The following FRMD5 variants were observed in gnomAD, a reference collection of about 807,000 sequenced individuals.
FRMD5 encodes FERM domain containing 5.
FRMD5 carries 20 observed loss-of-function variants against 69.0 expected under a neutral mutation model. The ratio of observed to expected loss-of-function variants is 0.29; its 90% confidence interval spans 0.20 to 0.42. FRMD5 has a LOEUF of 0.42. FRMD5 is among the 10% of genes least tolerant of loss of function. FRMD5 has a pLI of 1.00. For synonymous variants in FRMD5, 271 were observed against 260.1 expected, an observed-to-expected ratio of 1.04 and a Z score of -0.40; for missense variants, 595 against 708.6, an observed-to-expected ratio of 0.84 and a Z score of 1.82.
At chr15:44,116,645 T>G (rs1258230929) in intron 1 of FRMD5, among the ~76,000 whole-genome samples, 1 of 151,996 alleles carries the variant, frequency 6.6e-6, no homozygotes, top group Non-Finnish European at 1.5e-5. Flanking sequence ...GGGAGAAGGG[T>G]CAGCACTATC....
chr15:44,041,215 C>G (rs1485092374), intron 1 of FRMD5, among the ~76,000 whole-genome samples: 1 of 151,956 alleles, frequency 6.6e-6, no homozygotes, highest in Non-Finnish European at 1.5e-5. Context: ...TCTTACAGAC[C>G]TACAAAGAGA....
chr15:44,123,723 A>T (rs1163423163), intron 1 of FRMD5, among the ~76,000 whole-genome samples: 1 of 152,222 alleles, frequency 6.6e-6, no homozygotes, highest in Non-Finnish European at 1.5e-5. Context: ...AAATTCACTC[A>T]TAAGTGGTCA....
chr15:44,081,565 A>G (rs1013984550), intron 1 of FRMD5, among the ~76,000 whole-genome samples: 1 of 152,064 alleles, frequency 6.6e-6, no homozygotes, highest in African/African-American at 2.4e-5. Context: ...TCGTTTACTT[A>G]TATTTCACGT....
intron 13 of FRMD5, among the ~76,000 whole-genome samples, chr15:43,880,350 C>T (rs67541383): frequency 0.14 from 20,560 of 152,106 alleles, 1,631 homozygotes; most frequent in African/African-American, 0.22. Context: ...AGGCCCTCAT[C>T]GCATCCCTCG....
At chr15:43,990,455 G>GT (rs1272190164) in intron 1 of FRMD5, among the ~76,000 whole-genome samples, 1 of 152,058 alleles carries the variant, frequency 6.6e-6, no homozygotes, top group Non-Finnish European at 1.5e-5. Context: ...GTTTTACTAT[G>GT]TTTTTTCATT....
intron 1 of FRMD5, among the ~76,000 whole-genome samples, chr15:44,093,560 T>C (rs1473763957): frequency 1.3e-5 from 2 of 151,844 alleles, no homozygotes; most frequent in Admixed American, 1.3e-4. Context: ...GACAAAACAC[T>C]GCAACCATGC....
At chr15:44,189,703 G>A (rs2078162906) in intron 1 of FRMD5, among the ~76,000 whole-genome samples, 1 of 151,950 alleles carries the variant, frequency 6.6e-6, no homozygotes, top group Admixed American at 6.6e-5. Context: ...TGTTGACCAG[G>A]CTGGTCTCAA....
rs2089251686 is a variant in FRMD5, at chr15:43,909,755, C to T, written c.427+127G>A. 5.2e-6 allele frequency: 3 copies of T among 580,932 alleles called. No homozygotes were observed. The East Asian group carries it at 9.0e-5, about 17-fold the overall frequency. The allele number at this position is 580,932 out of a possible 1,614,324, so 36.0% of individuals were successfully genotyped here. A position where few individuals can be genotyped will look rare whatever the true frequency, so the allele number is the denominator to read the frequency against. ...TCGGCCTCCCAAAGTGCTAGGACTACAAGCGTGAGCCACAGCACCTGGCCT... is the reference window on the plus strand; with the variant it reads ...TCGGCCTCCCAAAGTGCTAGGACTATAAGCGTGAGCCACAGCACCTGGCCT... On this transcript the variant is annotated intron_variant, in intron 5 of 13. Coordinates refer to ENST00000417257, the MANE Select transcript of FRMD5 (RefSeq NM_032892.5).
At chr15:44,130,971 A>C (rs945530382) in intron 1 of FRMD5, among the ~76,000 whole-genome samples, 3 of 152,220 alleles carry the variant, frequency 2.0e-5, no homozygotes, top group African/African-American at 7.2e-5. Context: ...TACTGACCAA[A>C]GGATGAATCC....
chr15:43,880,605 C>G (rs1324503963), intron 13 of FRMD5, among the ~76,000 whole-genome samples: 1 of 152,228 alleles, frequency 6.6e-6, no homozygotes, highest in East Asian at 1.9e-4. Flanking sequence ...TCACCCTGAG[C>G]CTGTGAGGTT....
chr15:44,017,599 A>C (rs1891024735), intron 1 of FRMD5, among the ~76,000 whole-genome samples: 2 of 151,178 alleles, frequency 1.3e-5, no homozygotes, highest in African/African-American at 4.9e-5. Flanking sequence ...TAATAGCATT[A>C]ATCCCCAAAT....
intron 13 of FRMD5, among the ~76,000 whole-genome samples, chr15:43,874,863 A>G (rs1433667137): frequency 6.6e-6 from 1 of 151,788 alleles, no homozygotes; most frequent in Admixed American, 6.6e-5. Flanking sequence ...TCGCACTATT[A>G]CACTCCATCC....
At chr15:43,993,262 G>A (rs946630905) in intron 1 of FRMD5, among the ~76,000 whole-genome samples, 5 of 152,016 alleles carry the variant, frequency 3.3e-5, no homozygotes, top group Admixed American at 6.5e-5. Context: ...GCACGATCTC[G>A]GCTCACTGCA....
rs139111430 is a variant in FRMD5, at chr15:44,002,606, G to C, written c.103-78297C>G. Among the ~76,000 whole-genome samples, 696 of 152,182 alleles carry C rather than the reference G, an allele frequency of 4.6e-3. 13 individuals are homozygous for C. Among genetic ancestry groups the C allele is most frequent in the Admixed American group, 0.033 (497 of 15,288 alleles). The stretch of plus-strand genomic sequence containing the variant: ...GGCTCATGATCAATTGAGCAAGCAG[G>C]GGGTATGTGACTGGGGGCTGCATGC... On this transcript the variant is annotated intron_variant, in intron 1 of 13. Transcript: ENST00000417257.
chr15:43,990,056 C>T (rs183781568), intron 1 of FRMD5: 88 of 736,248 alleles, frequency 1.2e-4, no homozygotes, highest in East Asian at 6.6e-4. Flanking sequence ...CCCACCGTCA[C>T]GCCCTGGTGT....
At position 44,133,513 on chromosome 15, in the gene FRMD5, T is replaced by C. The variant is rs1355431226; in HGVS notation, c.102+61440A>G. ...ATGGCATGAACCTGGGAGGCAGAGC[T>C]TTCAGTGAGCTGAGATCGCACCACT... On this transcript the variant is annotated intron_variant, in intron 1 of 13. Coordinates refer to ENST00000417257, the MANE Select transcript of FRMD5 (RefSeq NM_032892.5). Among the ~76,000 whole-genome samples the C allele has an allele frequency of 6.0e-5, 9 of 148,822 alleles. No individual in the cohort carries two copies. The East Asian group carries it at 1.8e-3, about 29-fold the overall frequency.
chr15:44,003,187 T>C (rs1400582771), intron 1 of FRMD5, among the ~76,000 whole-genome samples: 3 of 152,188 alleles, frequency 2.0e-5, no homozygotes, highest in Non-Finnish European at 4.4e-5. Context: ...TCCTATCAGT[T>C]CTACCTTCAA....
chr15:44,090,666 C>T (rs896656090), intron 1 of FRMD5, among the ~76,000 whole-genome samples: 1 of 152,032 alleles, frequency 6.6e-6, no homozygotes, highest in Non-Finnish European at 1.5e-5. Context: ...TCTCAAACTG[C>T]TGACCTCAGG....
At chr15:44,081,154 T>C (rs947092442) in intron 1 of FRMD5, among the ~76,000 whole-genome samples, 1 of 152,130 alleles carries the variant, frequency 6.6e-6, no homozygotes, top group African/African-American at 2.4e-5. Flanking sequence ...ACACTTCAAC[T>C]AACCCTATTT....
Sources: allele counts gnomAD v4.1 joint callset (sites outside exome capture counted in the v4.1 genomes callset), GRCh38; gene constraint gnomAD v4.1.1; transcripts MANE v1.5; gene names NCBI Gene and HGNC (gene_info 2026-07-23, HGNC 2026-07-21).